CAMTA1: variants seen among roughly 807,000 people sequenced by gnomAD.
The protein encoded by CAMTA1 is calmodulin binding transcription activator 1.
Under a neutral mutation model 170.9 loss-of-function variants are expected in CAMTA1, and 27 were observed. That is an observed-to-expected ratio of 0.16 (90% CI 0.12 to 0.22). The LOEUF (loss-of-function observed/expected upper bound fraction) is 0.22, where lower values mean the gene tolerates loss of function less well. Among genes scored for constraint, CAMTA1 ranks in the 10% least tolerant of loss-of-function variants. The pLI, the probability that CAMTA1 is intolerant of heterozygous loss-of-function variation, is 1.00. For missense variants in CAMTA1, 1,619 were observed against 2,217.2 expected, an observed-to-expected ratio of 0.73 and a Z score of 5.42; for synonymous variants, 833 against 891.5, an observed-to-expected ratio of 0.93 and a Z score of 1.17.
chr1:7,074,358 T>A (rs1170532807), intron 3 of CAMTA1, among the ~76,000 whole-genome samples: 1 of 152,190 alleles, frequency 6.6e-6, no homozygotes, highest in East Asian at 1.9e-4. Flanking sequence ...TGAGTTACTG[T>A]CTTTGAAGTA....
At chr1:7,194,991 C>T (rs1573807249) in intron 4 of CAMTA1, among the ~76,000 whole-genome samples, 3 of 152,208 alleles carry the variant, frequency 2.0e-5, no homozygotes, top group African/African-American at 7.2e-5. Flanking sequence ...TGGAGCATCT[C>T]ATGGACTAAA....
chr1:7,197,885 A>G (rs1655861667), intron 4 of CAMTA1, among the ~76,000 whole-genome samples: 1 of 151,896 alleles, frequency 6.6e-6, no homozygotes, highest in South Asian at 2.1e-4. Flanking sequence ...CAGCAGGGGA[A>G]GCCGTATCTT....
At chr1:6,788,818 C>G (rs190689) in intron 1 of CAMTA1, among the ~76,000 whole-genome samples, 1 of 152,046 alleles carries the variant, frequency 6.6e-6, no homozygotes, top group Non-Finnish European at 1.5e-5. Context: ...AAGCTGGGCC[C>G]TTTTTCTTGA....
chr1:6,954,207 G>A (rs1482023631), intron 3 of CAMTA1, among the ~76,000 whole-genome samples: 2 of 152,150 alleles, frequency 1.3e-5, no homozygotes, highest in Non-Finnish European at 2.9e-5. Flanking sequence ...CTGGCTGGTC[G>A]CCTGATGATT....
chr1:7,275,316 A>G lies in CAMTA1; in HGVS notation c.438+25690A>G, dbSNP rs542792948. ...ATCAGTAAATGTAATTGATATTAAC[A>G]AAGGTTTAAAATGTGACCTAAACTT... On this transcript the variant is annotated intron_variant, in intron 5 of 22. Transcript: ENST00000303635. Among the ~76,000 whole-genome samples the G allele has an allele frequency of 5.3e-5, 8 of 152,232 alleles. No homozygotes were observed. In the South Asian group the frequency reaches 1.2e-3, roughly 24 times the overall value.
At chr1:7,178,170 A>C (rs759744788) in intron 4 of CAMTA1, among the ~76,000 whole-genome samples, 3 of 152,176 alleles carry the variant, frequency 2.0e-5, no homozygotes, top group Non-Finnish European at 2.9e-5. Flanking sequence ...TTTTCTGTAT[A>C]GCTTTTGTTC....
chr1:6,839,540 A>G (rs556360889), intron 3 of CAMTA1, among the ~76,000 whole-genome samples: 1 of 152,330 alleles, frequency 6.6e-6, no homozygotes, highest in African/African-American at 2.4e-5. Context: ...CATGGAGCTT[A>G]TCGTTTAGAG....
intron 5 of CAMTA1, among the ~76,000 whole-genome samples, chr1:7,276,294 T>TTTTTTG (rs1670619024): frequency 7.0e-5 from 1 of 14,334 alleles, no homozygotes; most frequent in Non-Finnish European, 1.4e-4. Context: ...TATATATATA[T>TTTTTTG]ATATATATAT....
chr1:7,106,705 A>C (rs1573098669), intron 4 of CAMTA1, among the ~76,000 whole-genome samples: 2 of 151,972 alleles, frequency 1.3e-5, no homozygotes, highest in Admixed American at 1.3e-4. Context: ...TTTTCCAGTG[A>C]AACTTGTTTG....
intron 3 of CAMTA1, among the ~76,000 whole-genome samples, chr1:7,028,322 T>A (rs1358051092): frequency 6.6e-6 from 1 of 152,184 alleles, no homozygotes; most frequent in Non-Finnish European, 1.5e-5. Context: ...GGAGCACAGA[T>A]ATTAGTGTCA....
chr1:7,663,367 G>A lies in CAMTA1; in HGVS notation c.820G>A (p.Val274Met), dbSNP rs77267405. ...GATCTCCGCAGGAGCTGGCGGCAGC[G>A]TGCATCACAAGTGTAACAGCGCCAA... ...CTGSLGAGGS[V>M]HHKCNSAKHR... The change falls in exon 9 of 23, where the codon GTG (valine) becomes ATG (methionine). Residue 274 changes from valine to methionine, a missense_variant. Val to Met is a conservative substitution (Grantham distance 21). Around this residue, in one of 8 missense-constraint regions of CAMTA1, gnomAD observed 731 missense variants for 907.6 expected, o/e 0.81. Transcript: ENST00000303635. The A allele has an allele frequency of 6.4e-5, 98 of 1,526,486 alleles. No homozygotes were observed. The highest frequency in any genetic ancestry group is 1.1e-4 in the East Asian group (5 of 43,966). The allele number at this position is 1,526,486 out of a possible 1,614,324, so 94.6% of individuals were successfully genotyped here. A position where few individuals can be genotyped will look rare whatever the true frequency, so the allele number is the denominator to read the frequency against.
In CAMTA1 at chr1:7,221,906, T is replaced by TACACACACACACACACAC. The variant is rs34399218; in HGVS notation, c.303-27581_303-27564dup. On this transcript the variant is annotated intron_variant, in intron 4 of 22. Transcript: ENST00000303635. ...GAGGGCATGTGCACAAGCTGGTGCA[T>TACACACACACACACACAC]ACACACACACACACACACACATACA... Among the ~76,000 whole-genome samples the TACACACACACACACACAC allele has an allele frequency of 2.1e-3, 314 of 147,626 alleles. 10 individuals carry two copies. The highest frequency in any genetic ancestry group is 7.6e-3 in the African/African-American group (297 of 39,208).
At chr1:7,019,825 C>T (rs1395965275) in intron 3 of CAMTA1, among the ~76,000 whole-genome samples, 1 of 152,226 alleles carries the variant, frequency 6.6e-6, no homozygotes, top group African/African-American at 2.4e-5. Flanking sequence ...CCTGCCACAG[C>T]CCCGCCCAGC....
At chr1:6,972,938 G>A (rs994459652) in intron 3 of CAMTA1, among the ~76,000 whole-genome samples, 5 of 151,792 alleles carry the variant, frequency 3.3e-5, no homozygotes, top group Admixed American at 1.3e-4. Flanking sequence ...GGTAACCCCC[G>A]CCTCCCAGGT....
At chr1:6,799,202 G>A (rs1038587074) in intron 1 of CAMTA1, among the ~76,000 whole-genome samples, 1 of 152,182 alleles carries the variant, frequency 6.6e-6, no homozygotes, top group African/African-American at 2.4e-5. Flanking sequence ...TGAGTAGTGA[G>A]GACTACGGGC....
chr1:7,235,310 C>T (rs1340024476), intron 4 of CAMTA1, among the ~76,000 whole-genome samples: 1 of 152,134 alleles, frequency 6.6e-6, no homozygotes, highest in East Asian at 1.9e-4. Flanking sequence ...CAGGATAGTG[C>T]CATTGGCTAT....
intron 3 of CAMTA1, among the ~76,000 whole-genome samples, chr1:6,844,231 G>A (rs1006307003): frequency 8.5e-5 from 13 of 152,204 alleles, no homozygotes; most frequent in African/African-American, 3.1e-4. Context: ...GTTACCTTTG[G>A]AGAGTAGGGA....
intron 5 of CAMTA1, among the ~76,000 whole-genome samples, chr1:7,347,573 G>T (rs1013968858): frequency 6.6e-6 from 1 of 152,150 alleles, no homozygotes; most frequent in African/African-American, 2.4e-5. Flanking sequence ...CCACAAACTG[G>T]GTGGCTTAAA....
At chr1:7,183,254 G>C (rs1342229504) in intron 4 of CAMTA1, among the ~76,000 whole-genome samples, 5 of 152,086 alleles carry the variant, frequency 3.3e-5, no homozygotes, top group Admixed American at 6.5e-5. Flanking sequence ...CAGCTCTTCT[G>C]TGACTTCGTT....
Sources: gnomAD v4.1 joint callset for allele counts (sites outside exome capture counted in the v4.1 genomes callset) on GRCh38, gnomAD v4.1.1 for gene constraint, gnomAD v4.1.1 regional missense constraint, MANE v1.5 for transcripts, NCBI Gene and HGNC (gene_info 2026-07-23, HGNC 2026-07-21) for gene names.